Variants in CSTPP1 observed in about 807,000 individuals in gnomAD.
The protein encoded by CSTPP1 is centriolar satellite-associated tubulin polyglutamylase complex regulator 1, also known as UPF0705 protein C11orf49.
the CSTPP1 span, among the ~76,000 whole-genome samples, chr11:47,031,659 T>A: frequency 3.3e-5 from 5 of 151,566 alleles, no homozygotes; most frequent in African/African-American, 1.2e-4. Flanking sequence ...ATCGTGCCAC[T>A]GCACTCCAGC....
the CSTPP1 span, among the ~76,000 whole-genome samples, chr11:46,959,253 T>C: frequency 6.6e-6 from 1 of 151,872 alleles, no homozygotes; most frequent in Non-Finnish European, 1.5e-5. Context: ...TCTCCTGAGT[T>C]CTTTTTTTCT....
the CSTPP1 span, among the ~76,000 whole-genome samples, chr11:47,162,946 A>G: frequency 6.6e-6 from 1 of 152,144 alleles, no homozygotes; most frequent in Non-Finnish European, 1.5e-5. Flanking sequence ...TTGGGAGGCC[A>G]AGGTGGGCCA....
At chr11:47,128,738 C>T in the CSTPP1 span, among the ~76,000 whole-genome samples, 5 of 151,898 alleles carry the variant, frequency 3.3e-5, no homozygotes, top group African/African-American at 9.7e-5. Flanking sequence ...TTTTTCAGGC[C>T]GGGAGCAGTG....
chr11:47,148,397 C>A, the CSTPP1 span, among the ~76,000 whole-genome samples: 1 of 151,892 alleles, frequency 6.6e-6, no homozygotes, highest in Non-Finnish European at 1.5e-5. Flanking sequence ...GACTTGCGGA[C>A]ACCCTTCAGC....
At chr11:47,091,371 C>G in the CSTPP1 span, among the ~76,000 whole-genome samples, 1 of 149,088 alleles carries the variant, frequency 6.7e-6, no homozygotes, top group East Asian at 1.9e-4. Context: ...GAGACTCCAT[C>G]TCAAAAAAAA....
chr11:46,987,056 G>C, the CSTPP1 span: 1 of 676,964 alleles, frequency 1.5e-6, no homozygotes, highest in South Asian at 1.8e-5. Context: ...GGGTCAGCAA[G>C]TTTGCTTTGC....
At chr11:47,079,285 G>C in the CSTPP1 span, among the ~76,000 whole-genome samples, 1 of 152,198 alleles carries the variant, frequency 6.6e-6, no homozygotes, top group Non-Finnish European at 1.5e-5. Context: ...AGAACACCTG[G>C]ATTCAGATAA....
chr11:47,114,445 A>G, the CSTPP1 span, among the ~76,000 whole-genome samples: 150,046 of 152,356 alleles, frequency 0.98, 73,928 homozygotes, highest in Middle Eastern at 1. Flanking sequence ...GGGCAGTATC[A>G]CCATTTTCTA....
the CSTPP1 span, among the ~76,000 whole-genome samples, chr11:47,056,420 A>G: frequency 6.6e-6 from 1 of 152,316 alleles, no homozygotes; most frequent in African/African-American, 2.4e-5. Context: ...ATTTACTATC[A>G]CGAGGGATTC....
the CSTPP1 span, among the ~76,000 whole-genome samples, chr11:47,149,005 T>C: frequency 6.6e-6 from 1 of 152,186 alleles, no homozygotes; most frequent in Non-Finnish European, 1.5e-5. Context: ...AGCTGTTGCT[T>C]CCTTGGCACC....
chr11:46,961,152 T>G, the CSTPP1 span, among the ~76,000 whole-genome samples: 1 of 152,222 alleles, frequency 6.6e-6, no homozygotes, highest in Non-Finnish European at 1.5e-5. Context: ...ATTGCCAAAC[T>G]TTTTCAAAGC....
chr11:47,161,989 T>G, the CSTPP1 span: 3 of 1,036,854 alleles, frequency 2.9e-6, no homozygotes, highest in Non-Finnish European at 3.5e-6. Context: ...AAGGTTCATC[T>G]CCTCACAGCA....
chr11:47,096,543 G>A, the CSTPP1 span, among the ~76,000 whole-genome samples: 1 of 152,204 alleles, frequency 6.6e-6, no homozygotes, highest in Admixed American at 6.5e-5. Flanking sequence ...GACAAGTCAA[G>A]GTCACATTCG....
At chr11:46,979,782 G>T in the CSTPP1 span, among the ~76,000 whole-genome samples, 1 of 152,088 alleles carries the variant, frequency 6.6e-6, no homozygotes, top group Non-Finnish European at 1.5e-5. Context: ...GCATGGTGGC[G>T]GGCGCCTGTA....
the CSTPP1 span, among the ~76,000 whole-genome samples, chr11:47,119,254 C>T: frequency 6.6e-6 from 1 of 152,266 alleles, no homozygotes; most frequent in African/African-American, 2.4e-5. Context: ...GGCGTGGGAC[C>T]TGCCAAGCTT....
At chr11:47,041,768 A>G in the CSTPP1 span, 3 of 528,498 alleles carry the variant, frequency 5.7e-6, 1 homozygote, top group Non-Finnish European at 1.1e-5. Flanking sequence ...AAACCATCTG[A>G]GATGTTGTGG....
At chr11:47,041,001 C>A in the CSTPP1 span, 1 of 145,128 alleles carries the variant, frequency 6.9e-6, no homozygotes, top group Admixed American at 7.9e-5. Flanking sequence ...AAAATGGCAG[C>A]AGCTGGGGCT....
the CSTPP1 span, among the ~76,000 whole-genome samples, chr11:47,019,202 G>A: frequency 6.6e-6 from 1 of 152,000 alleles, no homozygotes; most frequent in African/African-American, 2.4e-5. Context: ...TAGAGACGGG[G>A]TTTCACCATG....
At chr11:47,054,424 A>C in the CSTPP1 span, among the ~76,000 whole-genome samples, 1 of 151,674 alleles carries the variant, frequency 6.6e-6, no homozygotes, top group East Asian at 1.9e-4. Flanking sequence ...TGATCTTCCT[A>C]ACTCAGCCTC....
Sources: allele counts gnomAD v4.1 joint callset (sites outside exome capture counted in the v4.1 genomes callset), GRCh38; gene constraint gnomAD v4.1.1; transcripts MANE v1.5; gene names NCBI Gene and HGNC (gene_info 2026-07-23, HGNC 2026-07-21).